The following PIP5K1C variants were observed in gnomAD, a reference collection of about 807,000 sequenced individuals.
PIP5K1C encodes phosphatidylinositol-4-phosphate 5-kinase type 1 gamma.
Under a neutral mutation model 80.1 loss-of-function variants are expected in PIP5K1C, and 45 were observed. That is an observed-to-expected ratio of 0.56 (90% confidence interval 0.44 to 0.72). PIP5K1C has a LOEUF of 0.72. Among genes scored for constraint, PIP5K1C ranks in the 30% least tolerant of loss-of-function variants. The probability of loss-of-function intolerance (pLI) is 0.00; values close to 1 mark genes in which losing one functional copy is unlikely to be tolerated. For missense variants in PIP5K1C, 753 were observed against 954.6 expected (o/e 0.79, Z 2.78); for synonymous variants, 498 against 420.1 (o/e 1.19, Z -2.27).
chr19:3,680,417 G>A (rs541853265), intron 1 of PIP5K1C, among the ~76,000 whole-genome samples: 117 of 152,204 alleles, frequency 7.7e-4, no homozygotes, highest in Non-Finnish European at 1.3e-3. Context: ...CGATTCTCCC[G>A]TCTCAGCCTC....
intron 3 of PIP5K1C, among the ~76,000 whole-genome samples, chr19:3,662,498 C>T (rs1225155782): frequency 6.6e-6 from 1 of 152,228 alleles, no homozygotes; most frequent in African/African-American, 2.4e-5. Flanking sequence ...GTTTCCCTGC[C>T]TGTAGACAGG....
chr19:3,636,030 G>A (rs957506084), intron 16 of PIP5K1C, among the ~76,000 whole-genome samples: 2 of 152,062 alleles, frequency 1.3e-5, no homozygotes, highest in African/African-American at 4.8e-5. Flanking sequence ...GGTGGCAGGC[G>A]CCTGTAATCT....
intron 1 of PIP5K1C, among the ~76,000 whole-genome samples, chr19:3,685,631 G>A (rs2035737020): frequency 6.6e-6 from 1 of 152,040 alleles, no homozygotes; most frequent in South Asian, 2.1e-4. Flanking sequence ...TCGGGAGGCT[G>A]AGGCAGGAGA....
intron 1 of PIP5K1C, among the ~76,000 whole-genome samples, chr19:3,669,148 G>A (rs2035117786): frequency 1.3e-5 from 2 of 152,240 alleles, no homozygotes; most frequent in African/African-American, 4.8e-5. Flanking sequence ...GGCTGGCTGA[G>A]GTCTGGCAGC....
At chr19:3,685,608 T>C (rs1264214474) in intron 1 of PIP5K1C, among the ~76,000 whole-genome samples, 2 of 151,614 alleles carry the variant, frequency 1.3e-5, no homozygotes, top group East Asian at 3.9e-4. Context: ...CGGGCGCCTG[T>C]AGTCCCAGCT....
At chr19:3,662,303 A>G (rs541795773) in intron 3 of PIP5K1C, among the ~76,000 whole-genome samples, 3 of 152,190 alleles carry the variant, frequency 2.0e-5, no homozygotes, top group Non-Finnish European at 2.9e-5. Flanking sequence ...AGGTTCTCCC[A>G]TTTTGAAACA....
In PIP5K1C at chr19:3,648,407, GC is replaced by G. The variant is rs1188785176; in HGVS notation, c.1211+217del. On this transcript the variant is annotated intron_variant, in intron 9 of 17. Coordinates refer to ENST00000335312, the MANE Select transcript of PIP5K1C (RefSeq NM_012398.3). This position sits in a 1 kb window ranked among gnomAD's most constrained non-coding sequence, Gnocchi z 4.3. The stretch of plus-strand genomic sequence containing the variant: ...AGCAAGAGCTTTCCAGGTTGAGGAA[GC>G]CCCGAGAGCTGCTGGTGCGGCTGTT... 3.9e-5 allele frequency among the ~76,000 whole-genome samples: 6 copies of G among 152,344 alleles called. No individual in the cohort carries two copies. Among genetic ancestry groups the G allele is most frequent in the Admixed American group, 2.6e-4 (4 of 15,310 alleles).
At chr19:3,634,877 C>A (rs1173337242) in intron 16 of PIP5K1C, among the ~76,000 whole-genome samples, 1 of 152,266 alleles carries the variant, frequency 6.6e-6, no homozygotes, top group African/African-American at 2.4e-5. Context: ...CCTGCGAGGC[C>A]GCATCGCGGA....
chr19:3,653,668 CA>C (rs933822133), intron 6 of PIP5K1C, 79 bp from the exon 7 acceptor site: 1 of 1,359,132 alleles, frequency 7.4e-7, no homozygotes, highest in African/African-American at 1.4e-5. Flanking sequence ...GCCTCTGCCT[CA>C]GGGGGCTCAT....
At chr19:3,678,158 G>GGATGGAGA (rs1264423144) in intron 1 of PIP5K1C, among the ~76,000 whole-genome samples, 2 of 141,796 alleles carry the variant, frequency 1.4e-5, no homozygotes, top group South Asian at 4.7e-4. Flanking sequence ...GAAAATGGAG[G>GGATGGAGA]GATGGAGAGA....
chr19:3,692,379 G>A lies in PIP5K1C; in HGVS notation c.94+7918C>T, dbSNP rs1213249078. Among the ~76,000 whole-genome samples the A allele has an allele frequency of 1.3e-5, 2 of 152,142 alleles. No individual in the cohort carries two copies. Among genetic ancestry groups the A allele is most frequent in the East Asian group, 3.9e-4 (2 of 5,188 alleles). On this transcript the variant is annotated intron_variant, in intron 1 of 17. Coordinates refer to ENST00000335312, the MANE Select transcript of PIP5K1C (RefSeq NM_012398.3). The surrounding 1 kb of genome is among the most constrained non-coding windows in gnomAD (Gnocchi z 5.2). Reference sequence around the variant, plus strand: ...CTCCTGGGGCCTCCCTCGCAGCTCGGCCATGCTGGGCCCCGGCGGCCCCCA... The same window carrying A: ...CTCCTGGGGCCTCCCTCGCAGCTCGACCATGCTGGGCCCCGGCGGCCCCCA...
At chr19:3,682,038 GCA>G (rs992135794) in intron 1 of PIP5K1C, among the ~76,000 whole-genome samples, 1 of 152,072 alleles carries the variant, frequency 6.6e-6, no homozygotes, top group African/African-American at 2.4e-5. Flanking sequence ...CCCACCAATA[GCA>G]CAGAGGGAGA....
rs1254392439 is a variant in PIP5K1C, at chr19:3,683,868, G to A, written c.94+16429C>T. On this transcript the variant is annotated intron_variant, in intron 1 of 17. Coordinates refer to ENST00000335312, the MANE Select transcript of PIP5K1C (RefSeq NM_012398.3). ...ACAGCCAGCCCCCGCTTCCCCTCCC[G>A]GGCAGTCCCACACCTCCCCCACACT... Among the ~76,000 whole-genome samples the A allele has an allele frequency of 1.2e-4, 17 of 139,100 alleles. No individual in the cohort carries two copies. The East Asian group carries it at 1.5e-3, about 12-fold the overall frequency. The allele number at this position is 139,100 out of a possible 152,430, so 91.3% of individuals were successfully genotyped here. A position where few individuals can be genotyped will look rare whatever the true frequency, so the allele number is the denominator to read the frequency against.
chr19:3,687,768 C>CCCCTTCT (rs1179988641), intron 1 of PIP5K1C, among the ~76,000 whole-genome samples: 1 of 152,104 alleles, frequency 6.6e-6, no homozygotes, highest in East Asian at 1.9e-4. Flanking sequence ...CTCTTCCTTG[C>CCCCTTCT]CCCTTCTCCC....
Position 3,696,362 on chromosome 19 carries a change from G to A in PIP5K1C, c.94+3935C>T, listed in dbSNP as rs888146618. On this transcript the variant is annotated intron_variant, in intron 1 of 17. Coordinates refer to ENST00000335312, the MANE Select transcript of PIP5K1C (RefSeq NM_012398.3). The surrounding 1 kb of genome is among the most constrained non-coding windows in gnomAD (Gnocchi z 4.1). ...AGTGGCACAGACGGTCTTGGCCCTC[G>A]TGGAGCTCTCGCTCAGGAGGAGATG... Among the ~76,000 whole-genome samples, 7 of 152,334 alleles carry A rather than the reference G, an allele frequency of 4.6e-5. No homozygotes were observed. The highest frequency in any genetic ancestry group is 3.9e-4 in the Admixed American group (6 of 15,300).
chr19:3,638,583 G>A (rs918444854), intron 16 of PIP5K1C, among the ~76,000 whole-genome samples: 6 of 152,238 alleles, frequency 3.9e-5, no homozygotes, highest in African/African-American at 7.2e-5. Context: ...AGAAGGTGCC[G>A]TGGGCACAAG....
chr19:3,693,009 T>C (rs796309806), intron 1 of PIP5K1C, among the ~76,000 whole-genome samples: 12 of 151,786 alleles, frequency 7.9e-5, no homozygotes, highest in African/African-American at 2.9e-4. Context: ...CGCCACTCTC[T>C]CCCCTCCTCT....
intron 1 of PIP5K1C, among the ~76,000 whole-genome samples, chr19:3,682,936 TC>T (rs2035631540): frequency 2.9e-5 from 3 of 103,016 alleles, no homozygotes; most frequent in Non-Finnish European, 5.9e-5. Context: ...ACACCTCCCC[TC>T]CTCCCCCTCC....
rs1600088509 is a variant in PIP5K1C at position 3,688,693 on chromosome 19, T to C, written c.94+11604A>G. On this transcript the variant is annotated intron_variant, in intron 1 of 17. Coordinates refer to ENST00000335312, the MANE Select transcript of PIP5K1C (RefSeq NM_012398.3). This position sits in a 1 kb window ranked among gnomAD's most constrained non-coding sequence, Gnocchi z 5.3. ...CGGATGAGCCCCATGGAGAAACCCG[T>C]AGTGAGAGAAGCTTTGCTCAAACAG... is the stretch of plus-strand genomic sequence containing the variant. 1.3e-5 allele frequency among the ~76,000 whole-genome samples: 2 copies of C among 151,138 alleles called. No homozygotes were observed. The highest frequency in any genetic ancestry group is 2.4e-5 in the African/African-American group (1 of 41,020).
Sources: gnomAD v4.1 joint callset for allele counts (sites outside exome capture counted in the v4.1 genomes callset) on GRCh38, gnomAD v4.1.1 for gene constraint, Gnocchi (gnomAD v3.1) non-coding constraint, MANE v1.5 for transcripts, NCBI Gene and HGNC (gene_info 2026-07-23, HGNC 2026-07-21) for gene names.